IKZF2: variants seen among roughly 807,000 people sequenced by gnomAD.
The protein encoded by IKZF2 is zinc finger protein Helios.
A neutral mutation model predicts 49.2 loss-of-function variants in IKZF2; 15 were observed. The observed-to-expected ratio is 0.30, with a 90% CI of 0.20 to 0.47. The LOEUF is 0.47. Ranked by LOEUF, IKZF2 falls within the 20% of genes least tolerant of loss-of-function variation. The pLI, the probability that IKZF2 is intolerant of heterozygous loss-of-function variation, is 1.00. For synonymous variants in IKZF2, 227 were observed against 221.4 expected (o/e 1.03, Z -0.23); for missense variants, 567 against 664.6 (o/e 0.85, Z 1.61).
In IKZF2 at chr2:213,051,925, C is replaced by T. The variant is rs763676649; in HGVS notation, c.407-2045G>A. 2.6e-5 allele frequency among the ~76,000 whole-genome samples: 4 copies of T among 151,872 alleles called. No individual in the cohort carries two copies. In the East Asian group the frequency reaches 7.7e-4, roughly 29 times the overall value. ...TCATGTCTGCCTTTAGATAATACTC[C>T]TATAGCATGCTGACTCCAATTTCCT... On this transcript the variant is annotated intron_variant, in intron 5 of 8. Transcript: ENST00000434687.
rs569484938 is a variant in IKZF2 at position 213,055,564 on chromosome 2, C to T, written c.406+1269G>A. On this transcript the variant is annotated intron_variant, in intron 5 of 8. Coordinates refer to ENST00000434687, the MANE Select transcript of IKZF2 (RefSeq NM_001387220.1). ...TAACACTGATTTTAATGTATAACTT[C>T]TCACTGTAATTTTTAAGATATCAGC... is the stretch of plus-strand genomic sequence containing the variant. Among the ~76,000 whole-genome samples the T allele has an allele frequency of 3.7e-3, 563 of 152,080 alleles. 5 individuals carry two copies. Among genetic ancestry groups the T allele is most frequent in the Non-Finnish European group, 5.7e-3 (388 of 67,914 alleles).
chr2:213,057,845 T>G (rs954295285), intron 4 of IKZF2, among the ~76,000 whole-genome samples: 1 of 152,158 alleles, frequency 6.6e-6, no homozygotes, highest in Admixed American at 6.6e-5. Context: ...TGGCATAGCA[T>G]GCATGTACAC....
At chr2:213,088,870 T>C (rs1704976711) in intron 4 of IKZF2, among the ~76,000 whole-genome samples, 2 of 152,204 alleles carry the variant, frequency 1.3e-5, no homozygotes. Context: ...TCACAAACAT[T>C]ATCTAATGTT....
At chr2:213,097,665 G>A (rs1706174344) in intron 4 of IKZF2, among the ~76,000 whole-genome samples, 1 of 152,026 alleles carries the variant, frequency 6.6e-6, no homozygotes, top group South Asian at 2.1e-4. Flanking sequence ...AGCAGAAATT[G>A]TGACTCCTAT....
At chr2:213,022,281 A>C in intron 6 of IKZF2, 151 bp from the exon 7 acceptor site, 1 of 705,156 alleles carries the variant, frequency 1.4e-6, no homozygotes, top group Admixed American at 3.7e-5. Context: ...TGGTAAGAAA[A>C]GATAATACAT....
intron 4 of IKZF2, among the ~76,000 whole-genome samples, chr2:213,127,999 A>G (rs2125876905): frequency 6.9e-6 from 1 of 145,798 alleles, no homozygotes; most frequent in East Asian, 1.9e-4. Flanking sequence ...AAAGCTAAAT[A>G]AAGTTACCAT....
At chr2:213,053,790 G>A (rs1163411635) in intron 5 of IKZF2, among the ~76,000 whole-genome samples, 2 of 152,128 alleles carry the variant, frequency 1.3e-5, no homozygotes, top group African/African-American at 4.8e-5. Context: ...AATATTACCT[G>A]ATTACTTACT....
At chr2:213,016,273 G>A (rs1166224706) in intron 7 of IKZF2, among the ~76,000 whole-genome samples, 3 of 152,104 alleles carry the variant, frequency 2.0e-5, no homozygotes, top group Non-Finnish European at 4.4e-5. Context: ...ACCCAGAGAT[G>A]TTAAGTAATT....
intron 7 of IKZF2, among the ~76,000 whole-genome samples, chr2:213,021,243 TA>T (rs1369799051): frequency 2.0e-5 from 3 of 151,692 alleles, no homozygotes; most frequent in African/African-American, 7.3e-5. Context: ...AAAAATAATT[TA>T]AAAAAATAAA....
chr2:213,099,675 G>A (rs10804213), intron 4 of IKZF2, among the ~76,000 whole-genome samples: 53,218 of 151,896 alleles, frequency 0.35, 11,696 homozygotes, highest in East Asian at 0.72. Flanking sequence ...AAGAAAAAAC[G>A]TGAAGCACAA....
chr2:213,013,918 A>C lies in IKZF2; in HGVS notation c.729T>G (p.Asp243Glu). The C allele has an allele frequency of 6.2e-7, 1 of 1,611,526 alleles. No individual in the cohort carries two copies. The highest frequency in any genetic ancestry group is 8.5e-7 in the Non-Finnish European group (1 of 1,178,120). The change falls in exon 8 of 9, where the codon GAT (aspartate) becomes GAG (glutamate). Residue 243 changes from aspartate to glutamate, a missense_variant. Asp to Glu is a conservative substitution (Grantham distance 45, BLOSUM62 2). This residue lies in a region of IKZF2 where 310 missense variants were observed against 326.9 expected (regional missense o/e 0.95). Coordinates refer to ENST00000434687, the MANE Select transcript of IKZF2 (RefSeq NM_001387220.1). ...VMSHHVPPME[D>E]CKEQEPIMDN... ...CCATAATAGGCTCTTGTTCCTTACA[A>C]TCTTCCATAGGAGGTACTATACAAA...
At chr2:213,100,538 T>TTAA (rs1706537087) in intron 4 of IKZF2, among the ~76,000 whole-genome samples, 2 of 152,022 alleles carry the variant, frequency 1.3e-5, no homozygotes, top group Admixed American at 1.3e-4. Context: ...AGCCACGTAT[T>TTAA]TAACATACTG....
Position 213,131,676 on chromosome 2 carries a change from T to C in IKZF2, c.139+16032A>G, listed in dbSNP as rs568592271. ...CAATGTAGTATTGTTTGAATGAGTG[T>C]TGAGAAAAGAGTTAAAAGTTGTCTA... is the stretch of plus-strand genomic sequence containing the variant. On this transcript the variant is annotated intron_variant, in intron 4 of 8. Transcript: ENST00000434687. Among the ~76,000 whole-genome samples the C allele has an allele frequency of 1.8e-4, 28 of 152,294 alleles. No individual in the cohort carries two copies. The South Asian group carries it at 4.3e-3, about 24-fold the overall frequency.
intron 6 of IKZF2, among the ~76,000 whole-genome samples, chr2:213,035,654 T>C (rs1698947046): frequency 6.6e-6 from 1 of 151,896 alleles, no homozygotes; most frequent in African/African-American, 2.4e-5. Flanking sequence ...TCAAAAACAG[T>C]AGGAAAGAAT....
chr2:213,014,850 C>T (rs1696392692), intron 7 of IKZF2: 1 of 152,008 alleles, frequency 6.6e-6, no homozygotes, highest in African/African-American at 2.4e-5. Context: ...CAGGAAAGAA[C>T]ATAACTTATT....
chr2:213,135,756 G>A (rs113913480), intron 4 of IKZF2, among the ~76,000 whole-genome samples: 2 of 151,608 alleles, frequency 1.3e-5, no homozygotes, highest in African/African-American at 2.4e-5. Flanking sequence ...AAAGGAAAAG[G>A]AAAGAAAAGA....
Position 213,000,500 on chromosome 2 carries a change from C to A in IKZF2, c.*6860G>T, listed in dbSNP as rs535824149. ...CTGTACAAATGCAGAAATGCAGTAA[C>A]TGCCTTTAAAAGAAATGCCAAAGAA... On this transcript the variant is annotated 3_prime_UTR_variant, in exon 9 of 9. Coordinates refer to ENST00000434687, the MANE Select transcript of IKZF2 (RefSeq NM_001387220.1). The A allele has an allele frequency of 5.9e-5, 9 of 151,754 alleles. No individual in the cohort carries two copies. Among genetic ancestry groups the A allele is most frequent in the African/African-American group, 2.2e-4 (9 of 41,462 alleles). 9.4% of individuals were successfully genotyped at this position (151,754 alleles called of 1,614,324 possible).
intron 4 of IKZF2, among the ~76,000 whole-genome samples, chr2:213,124,941 T>C (rs918409295): frequency 3.3e-5 from 5 of 152,192 alleles, no homozygotes; most frequent in Non-Finnish European, 7.4e-5. Flanking sequence ...TAAGTAAAGG[T>C]TTATTTTTCT....
chr2:213,146,628 TATA>T (rs1321728077), intron 4 of IKZF2, among the ~76,000 whole-genome samples: 1 of 151,976 alleles, frequency 6.6e-6, no homozygotes, highest in Non-Finnish European at 1.5e-5. Flanking sequence ...CTTGCAGTTT[TATA>T]ATAACTTACA....
Sources: allele counts gnomAD v4.1 joint callset (sites outside exome capture counted in the v4.1 genomes callset), GRCh38; gene constraint gnomAD v4.1.1; regional missense constraint gnomAD v4.1.1; transcripts MANE v1.5; gene names NCBI Gene and HGNC (gene_info 2026-07-23, HGNC 2026-07-21).